The following AREL1 variants were observed in gnomAD, a reference collection of about 807,000 sequenced individuals.
The protein encoded by AREL1 is apoptosis-resistant E3 ubiquitin protein ligase 1.
AREL1 carries 62 observed loss-of-function variants against 99.0 expected under a neutral mutation model. That is an observed-to-expected ratio of 0.63 (90% CI 0.51 to 0.77). The LOEUF (loss-of-function observed/expected upper bound fraction) is 0.77. Ranked by LOEUF, AREL1 falls within the 30% of genes least tolerant of loss-of-function variation. AREL1 has a pLI of 0.00. For synonymous variants in AREL1, 380 were observed against 376.5 expected (o/e 1.01, Z -0.11); for missense variants, 879 against 1,027.6 (o/e 0.86, Z 1.98).
intron 3 of AREL1, 43 bp downstream of exon 3, chr14:74,685,557 C>A (rs777125532): frequency 1.2e-6 from 2 of 1,612,088 alleles, no homozygotes; most frequent in African/African-American, 2.7e-5. Flanking sequence ...ACCCAAGCAA[C>A]CTTTACAAAA....
At chr14:74,672,990 C>T (rs766436462) in intron 10 of AREL1, 38 bp from the exon 11 acceptor site, 8 of 1,613,966 alleles carry the variant, frequency 5.0e-6, no homozygotes, top group South Asian at 4.4e-5. Flanking sequence ...AGCCTCATTA[C>T]AAGCCATCTG....
intron 1 of AREL1, among the ~76,000 whole-genome samples, chr14:74,693,301 T>C (rs1173771405): frequency 6.6e-6 from 1 of 152,240 alleles, no homozygotes; most frequent in Non-Finnish European, 1.5e-5. Context: ...ATAAAGTTGA[T>C]TTTATATTTA....
At position 74,667,389 on chromosome 14, in the gene AREL1, T is replaced by C. The variant is rs117525408; in HGVS notation, c.2045-12A>G. 1.5e-5 allele frequency: 24 copies of C among 1,614,140 alleles called. No homozygotes were observed. The East Asian group carries it at 5.3e-4, about 36-fold the overall frequency. ...CAATTCATTCAGGCCTGAAACAAAG[T>C]AGGCAAGTTAAAGTCATACCCACAC... On this transcript the variant is annotated splice_polypyrimidine_tract_variant and intron_variant, in intron 16 of 19. Coordinates refer to ENST00000356357, the MANE Select transcript of AREL1 (RefSeq NM_001039479.2).
chr14:74,664,505 G>C (rs1237519938), intron 18 of AREL1, among the ~76,000 whole-genome samples: 2 of 128,138 alleles, frequency 1.6e-5, no homozygotes, highest in Non-Finnish European at 3.1e-5. Flanking sequence ...CCAGGCTGCA[G>C]TGCAGTGGCG....
At position 74,692,291 on chromosome 14, in the gene AREL1, G is replaced by A. The variant is rs113561263; in HGVS notation, c.-296C>T. 124 of 456,114 alleles carry A rather than the reference G, an allele frequency of 2.7e-4. No individual in the cohort carries two copies. Among genetic ancestry groups the A allele is most frequent in the African/African-American group, 1.9e-3 (97 of 50,150 alleles). 28.3% of individuals were successfully genotyped at this position (456,114 alleles called of 1,614,324 possible). A position where few individuals can be genotyped will look rare whatever the true frequency, so the allele number is the denominator to read the frequency against. Reference sequence around the variant, plus strand: ...TATCATTCCTGGACTTCTCTCTAGTGCAGGGTGCAATCGACTGCCAAAGGA... The same window carrying A: ...TATCATTCCTGGACTTCTCTCTAGTACAGGGTGCAATCGACTGCCAAAGGA... On this transcript the variant is annotated 5_prime_UTR_variant, in exon 2 of 20. Transcript: ENST00000356357.
intron 17 of AREL1, among the ~76,000 whole-genome samples, chr14:74,666,556 A>T (rs1193608146): frequency 6.6e-6 from 1 of 152,170 alleles, no homozygotes; most frequent in Non-Finnish European, 1.5e-5. Flanking sequence ...CTTCATTAGA[A>T]TGTAGCCCAT....
At position 74,713,076 on chromosome 14, in the gene AREL1, G is replaced by C; in HGVS notation, c.-477C>G. ...CACCCGGCCTGGGAACCGGCTCGGG[G>C]GATTGCCCTTTCCCCAAGGAGTTTC... On this transcript the variant is annotated 5_prime_UTR_variant, in exon 1 of 20. Transcript: ENST00000356357. The C allele has an allele frequency of 6.3e-7, 1 of 1,588,074 alleles. No individual in the cohort carries two copies. The highest frequency in any genetic ancestry group is 8.6e-7 in the Non-Finnish European group (1 of 1,156,588).
At chr14:74,694,666 G>A (rs2089945407) in intron 1 of AREL1, among the ~76,000 whole-genome samples, 1 of 152,130 alleles carries the variant, frequency 6.6e-6, no homozygotes, top group Non-Finnish European at 1.5e-5. Context: ...GGGAGAGAAT[G>A]GGCAAGTTAT....
At chr14:74,678,361 G>A (rs1317367346) in intron 5 of AREL1, 13 of 357,708 alleles carry the variant, frequency 3.6e-5, no homozygotes, top group South Asian at 6.3e-5. Flanking sequence ...AGCTAAGCAC[G>A]GTGGTGCACG....
chr14:74,712,074 A>AAAAAAAAAG, intron 1 of AREL1: 1 of 120,238 alleles, frequency 8.3e-6, no homozygotes, highest in Admixed American at 9.4e-5. Context: ...AAAAGAAAAA[A>AAAAAAAAAG]AAAGAAAGAA....
intron 1 of AREL1, among the ~76,000 whole-genome samples, chr14:74,693,421 GA>G (rs2089923122): frequency 6.6e-6 from 1 of 152,150 alleles, no homozygotes; most frequent in Admixed American, 6.5e-5. Flanking sequence ...AGATATTCAT[GA>G]ACCAAAAATG....
chr14:74,676,310 T>C lies in AREL1; in HGVS notation c.663A>G (p.Gln221=). Residue 221 remains glutamine, a synonymous_variant, in exon 7 of 20, where the codon CAA becomes CAG. Coordinates refer to ENST00000356357, the MANE Select transcript of AREL1 (RefSeq NM_001039479.2). The part of the protein sequence containing the change: ...YTLSIHELGP[Q]EEESTGVSFE... Reference sequence around the variant, plus strand: ...ATGAGACACCAGTACTCTCTTCTTCTTGAGGGCCGAGCTATAGGAAGGCAA... The same window carrying C: ...ATGAGACACCAGTACTCTCTTCTTCCTGAGGGCCGAGCTATAGGAAGGCAA... 1 of 1,614,014 alleles carries C rather than the reference T, an allele frequency of 6.2e-7. No homozygotes were observed. The highest frequency in any genetic ancestry group is 8.5e-7 in the Non-Finnish European group (1 of 1,179,940).
chr14:74,673,297 C>T, intron 9 of AREL1, 79 bp from the exon 10 acceptor site: 1 of 1,428,410 alleles, frequency 7.0e-7, no homozygotes. Context: ...ATCCTGTGTA[C>T]CAACCAACAA....
chr14:74,668,820 T>C (rs745351391), intron 15 of AREL1, among the ~76,000 whole-genome samples: 1 of 152,252 alleles, frequency 6.6e-6, no homozygotes, highest in Non-Finnish European at 1.5e-5. Context: ...AACACCACAA[T>C]GTAAATAGAA....
intron 1 of AREL1, chr14:74,712,078 G>GAA (rs2090320277): frequency 8.4e-5 from 5 of 59,232 alleles, no homozygotes; most frequent in African/African-American, 1.6e-4. Flanking sequence ...GAAAAAAAAA[G>GAA]AAAGAAAGAA....
At chr14:74,664,313 G>C (rs1285317730) in intron 18 of AREL1, among the ~76,000 whole-genome samples, 2 of 152,124 alleles carry the variant, frequency 1.3e-5, no homozygotes, top group Non-Finnish European at 2.9e-5. Context: ...TCCTGTGGCA[G>C]TCAGCATGAC....
chr14:74,683,671 C>G, intron 4 of AREL1, 138 bp from the exon 5 acceptor site: 1 of 704,960 alleles, frequency 1.4e-6, no homozygotes, highest in East Asian at 2.6e-5. Flanking sequence ...TCCTCACAGT[C>G]CTGCTCACAA....
At chr14:74,668,460 A>G (rs1481586998) in intron 15 of AREL1, among the ~76,000 whole-genome samples, 1 of 151,888 alleles carries the variant, frequency 6.6e-6, no homozygotes, top group Non-Finnish European at 1.5e-5. Flanking sequence ...TGGTATGCAC[A>G]ATCCTGGATT....
intron 1 of AREL1, among the ~76,000 whole-genome samples, chr14:74,692,547 CCTCA>C (rs2139947883): frequency 6.6e-6 from 1 of 152,306 alleles, no homozygotes; most frequent in South Asian, 2.1e-4. Flanking sequence ...CAACTGGCAG[CCTCA>C]CTGTCTATAA....
Sources: allele counts gnomAD v4.1 joint callset (sites outside exome capture counted in the v4.1 genomes callset), GRCh38; gene constraint gnomAD v4.1.1; transcripts MANE v1.5; gene names NCBI Gene and HGNC (gene_info 2026-07-23, HGNC 2026-07-21).